TESK2: variants seen among roughly 807,000 people sequenced by gnomAD.
The protein encoded by TESK2 is dual specificity testis-specific protein kinase 2.
Under a neutral mutation model 57.1 loss-of-function variants are expected in TESK2, and 39 were observed. That is an observed-to-expected ratio of 0.68 (90% CI 0.53 to 0.89). The LOEUF (loss-of-function observed/expected upper bound fraction) is 0.89. Among genes scored for constraint, TESK2 ranks in the 40% least tolerant of loss-of-function variants. The pLI, the probability that TESK2 is intolerant of heterozygous loss-of-function variation, is 0.00. For synonymous variants in TESK2, 249 were observed against 267.9 expected (o/e 0.93, Z 0.69); for missense variants, 646 against 732.1 (o/e 0.88, Z 1.36).
intron 3 of TESK2, among the ~76,000 whole-genome samples, chr1:45,404,727 GA>G (rs1172319640): frequency 6.6e-6 from 1 of 151,884 alleles, no homozygotes; most frequent in Non-Finnish European, 1.5e-5. Flanking sequence ...ATTTTTATTA[GA>G]GACGGGGTTT....
At chr1:45,468,034 G>A (rs759709040) in intron 1 of TESK2, among the ~76,000 whole-genome samples, 9 of 151,914 alleles carry the variant, frequency 5.9e-5, no homozygotes, top group Non-Finnish European at 1.3e-4. Flanking sequence ...AAATTAGCCC[G>A]GCATGGTGGT....
intron 2 of TESK2, among the ~76,000 whole-genome samples, chr1:45,448,554 T>C (rs1651737961): frequency 6.6e-6 from 1 of 151,926 alleles, no homozygotes; most frequent in African/African-American, 2.4e-5. Context: ...GCATGTCACA[T>C]GGGGAGAGTG....
chr1:45,428,187 G>A (rs1650782336), intron 2 of TESK2, among the ~76,000 whole-genome samples: 1 of 152,146 alleles, frequency 6.6e-6, no homozygotes, highest in Admixed American at 6.6e-5. Context: ...TAATCTTGAA[G>A]ATAATCCTGT....
intron 2 of TESK2, among the ~76,000 whole-genome samples, chr1:45,444,291 G>C (rs1651563096): frequency 6.6e-6 from 1 of 151,952 alleles, no homozygotes; most frequent in African/African-American, 2.4e-5. Context: ...AAGGGCTGTA[G>C]TTTACCAAAT....
intron 3 of TESK2, among the ~76,000 whole-genome samples, chr1:45,419,442 A>G (rs948325225): frequency 1.3e-5 from 2 of 152,144 alleles, no homozygotes; most frequent in African/African-American, 4.8e-5. Flanking sequence ...CAGACACTCT[A>G]TTTTATATAT....
chr1:45,431,884 G>A (rs971868638), intron 2 of TESK2, among the ~76,000 whole-genome samples: 1 of 152,162 alleles, frequency 6.6e-6, no homozygotes, highest in African/African-American at 2.4e-5. Context: ...CTCAAGGCCT[G>A]GTGGGTACAT....
chr1:45,373,028 C>CAAAAAAA (rs200182758), intron 4 of TESK2, among the ~76,000 whole-genome samples: 6 of 60,960 alleles, frequency 9.8e-5, no homozygotes, highest in African/African-American at 3.2e-4. Context: ...ATCTCCGTCT[C>CAAAAAAA]AAAAAAAAAA....
Position 45,394,679 on chromosome 1 carries a change from CTTTTTTTTTTT to C in TESK2, c.345-8730_345-8720del, listed in dbSNP as rs5773871. On this transcript the variant is annotated intron_variant, in intron 3 of 10. Coordinates refer to ENST00000372086, the MANE Select transcript of TESK2 (RefSeq NM_007170.3). The stretch of plus-strand genomic sequence containing the variant: ...AAGATAGTAAGACCAACAGGAAACT[CTTTTTTTTTTT>C]TTTTTTTTTTTTTTTTTTAAAGACA... Among the ~76,000 whole-genome samples the C allele has an allele frequency of 1.2e-3, 69 of 57,426 alleles. No individual in the cohort carries two copies. In the East Asian group the frequency reaches 0.012, roughly 10 times the overall value. The allele number at this position is 57,426 out of a possible 152,430, so 37.7% of individuals were successfully genotyped here. A position where few individuals can be genotyped will look rare whatever the true frequency, so the allele number is the denominator to read the frequency against.
At chr1:45,451,156 G>A (rs182650672) in intron 2 of TESK2, among the ~76,000 whole-genome samples, 1 of 152,186 alleles carries the variant, frequency 6.6e-6, no homozygotes, top group East Asian at 1.9e-4. Flanking sequence ...CTTTAGTGTT[G>A]GGAGCTGTTA....
At chr1:45,347,741 A>G in intron 6 of TESK2, 48 bp from the exon 7 acceptor site, 2 of 1,593,322 alleles carry the variant, frequency 1.3e-6, no homozygotes, top group Non-Finnish European at 1.7e-6. Context: ...TGGCTGGTGC[A>G]ATGGAATCTT....
intron 4 of TESK2, among the ~76,000 whole-genome samples, chr1:45,384,850 C>T (rs1648826690): frequency 6.6e-6 from 1 of 151,966 alleles, no homozygotes; most frequent in African/African-American, 2.4e-5. Flanking sequence ...ACTTCAGAGG[C>T]CATGCTCTTA....
At chr1:45,438,518 G>T (rs763129783) in intron 2 of TESK2, among the ~76,000 whole-genome samples, 1 of 152,134 alleles carries the variant, frequency 6.6e-6, no homozygotes, top group Non-Finnish European at 1.5e-5. Flanking sequence ...TACCACTGAT[G>T]AAGACACTTT....
intron 2 of TESK2, among the ~76,000 whole-genome samples, chr1:45,439,447 G>C (rs1469266181): frequency 6.6e-6 from 1 of 152,084 alleles, no homozygotes; most frequent in Non-Finnish European, 1.5e-5. Flanking sequence ...CAAAGAAATA[G>C]CTCCATAGAT....
chr1:45,435,133 TTTTA>T (rs910973324), intron 2 of TESK2, among the ~76,000 whole-genome samples: 3 of 151,812 alleles, frequency 2.0e-5, no homozygotes, highest in Non-Finnish European at 2.9e-5. Context: ...CTGGCTAATT[TTTTA>T]TTTTTTTGAG....
At chr1:45,373,028 C>CAA (rs200182758) in intron 4 of TESK2, among the ~76,000 whole-genome samples, 4,271 of 60,910 alleles carry the variant, frequency 0.07, 333 homozygotes, top group African/African-American at 0.21. Flanking sequence ...ATCTCCGTCT[C>CAA]AAAAAAAAAA....
At chr1:45,476,380 T>C (rs779012016) in intron 1 of TESK2, among the ~76,000 whole-genome samples, 12 of 152,206 alleles carry the variant, frequency 7.9e-5, no homozygotes, top group Non-Finnish European at 1.5e-4. Context: ...TGGTGGCCCA[T>C]GCCTGTAGTC....
chr1:45,389,824 C>G (rs1256282528), intron 3 of TESK2, among the ~76,000 whole-genome samples: 1 of 152,200 alleles, frequency 6.6e-6, no homozygotes, highest in African/African-American at 2.4e-5. Flanking sequence ...TACTGTGTAG[C>G]AATGCCTAGT....
chr1:45,371,100 A>T (rs1025498356), intron 4 of TESK2, among the ~76,000 whole-genome samples: 8 of 152,144 alleles, frequency 5.3e-5, no homozygotes, highest in Non-Finnish European at 1.0e-4. Flanking sequence ...AACACAGAAA[A>T]TAACAAGTAT....
intron 5 of TESK2, 114 bp from the exon 6 acceptor site, chr1:45,348,114 G>A (rs903012196): frequency 1.4e-6 from 1 of 739,860 alleles, no homozygotes; most frequent in African/African-American, 1.7e-5. Flanking sequence ...TCTGCTCCTT[G>A]GTGAACCGCA....
Sources: allele counts gnomAD v4.1 joint callset (sites outside exome capture counted in the v4.1 genomes callset), GRCh38; gene constraint gnomAD v4.1.1; transcripts MANE v1.5; gene names NCBI Gene and HGNC (gene_info 2026-07-23, HGNC 2026-07-21).